PRMT9: variants seen among roughly 807,000 people sequenced by gnomAD.
PRMT9 encodes protein arginine methyltransferase 9, also known as protein arginine N-methyltransferase 9.
PRMT9 carries 59 observed loss-of-function variants against 83.2 expected under a neutral mutation model. The observed-to-expected ratio is 0.71, with a 90% confidence interval of 0.57 to 0.88. PRMT9 has a LOEUF of 0.88. PRMT9 is among the 40% of genes least tolerant of loss of function. The pLI, the probability that PRMT9 is intolerant of heterozygous loss-of-function variation, is 0.00. For synonymous variants in PRMT9, 333 were observed against 353.2 expected (o/e 0.94, Z 0.64); for missense variants, 947 against 1,021.9 (o/e 0.93, Z 1.00).
intron 9 of PRMT9, among the ~76,000 whole-genome samples, chr4:147,650,436 A>T (rs984811850): frequency 6.6e-6 from 1 of 152,226 alleles, no homozygotes. Context: ...TAGCATCTAA[A>T]AAATAAAATA....
chr4:147,683,754 C>G, intron 1 of PRMT9, 45 bp downstream of exon 1: 5 of 575,708 alleles, frequency 8.7e-6, no homozygotes, highest in East Asian at 4.5e-5. Flanking sequence ...TTTTTTTTTA[C>G]GAGGACGTTG....
chr4:147,674,327 T>C (rs1337394064), intron 2 of PRMT9, among the ~76,000 whole-genome samples: 2 of 152,190 alleles, frequency 1.3e-5, no homozygotes, highest in Admixed American at 6.5e-5. Flanking sequence ...CTTGTTATTA[T>C]AATTACGTAT....
chr4:147,668,683 T>A, intron 5 of PRMT9, 38 bp from the exon 6 acceptor site: 1 of 1,178,292 alleles, frequency 8.5e-7, no homozygotes, highest in Non-Finnish European at 1.3e-6. Flanking sequence ...TTATCACATG[T>A]ATGTAAAAAT....
chr4:147,672,375 C>T (rs1735795694), intron 4 of PRMT9, among the ~76,000 whole-genome samples: 1 of 152,224 alleles, frequency 6.6e-6, no homozygotes, highest in Admixed American at 6.5e-5. Flanking sequence ...AACTTTGTCT[C>T]TAAAATGACT....
intron 9 of PRMT9, among the ~76,000 whole-genome samples, chr4:147,648,852 T>C (rs928232261): frequency 4.6e-5 from 7 of 152,146 alleles, no homozygotes; most frequent in African/African-American, 1.7e-4. Context: ...GCCCCCTCCC[T>C]ACCCTTAGGT....
intron 8 of PRMT9, among the ~76,000 whole-genome samples, chr4:147,656,050 G>A (rs565380194): frequency 1.3e-3 from 193 of 152,056 alleles, no homozygotes; most frequent in Non-Finnish European, 2.3e-3. Context: ...GTATCATCCC[G>A]TTTTTATATA....
At chr4:147,678,547 T>C (rs1032202390) in intron 2 of PRMT9, among the ~76,000 whole-genome samples, 1 of 152,236 alleles carries the variant, frequency 6.6e-6, no homozygotes, top group Non-Finnish European at 1.5e-5. Context: ...AAACTGTCCC[T>C]TGGCTGGCAT....
intron 1 of PRMT9, 58 bp from the exon 2 acceptor site, chr4:147,680,529 T>C (rs1250495609): frequency 5.0e-5 from 63 of 1,268,034 alleles, no homozygotes; most frequent in Non-Finnish European, 6.9e-5. Flanking sequence ...TGAAAGAATA[T>C]ACATCATTAG....
chr4:147,640,144 C>A (rs1733301280), intron 10 of PRMT9, among the ~76,000 whole-genome samples: 1 of 140,698 alleles, frequency 7.1e-6, no homozygotes, highest in Non-Finnish European at 1.5e-5. Flanking sequence ...ACAATCACAG[C>A]TCACTGCAAC....
At chr4:147,648,601 A>G (rs2126582231) in intron 9 of PRMT9, among the ~76,000 whole-genome samples, 1 of 152,304 alleles carries the variant, frequency 6.6e-6, no homozygotes, top group Admixed American at 6.5e-5. Context: ...TGGAACTCGA[A>G]GAGGTGGTCT....
intron 7 of PRMT9, among the ~76,000 whole-genome samples, chr4:147,659,580 T>TTTC (rs1553993107): frequency 0.013 from 37 of 2,866 alleles, no homozygotes; most frequent in Non-Finnish European, 0.052. Flanking sequence ...CTTTCTTTTC[T>TTTC]TTTTTTTTTT....
intron 2 of PRMT9, among the ~76,000 whole-genome samples, chr4:147,674,576 T>C (rs1236522941): frequency 6.6e-6 from 1 of 152,206 alleles, no homozygotes; most frequent in Non-Finnish European, 1.5e-5. Context: ...CTCCCTTTTC[T>C]TCTTAATTTT....
chr4:147,649,432 GAA>G (rs1333062921), intron 9 of PRMT9, among the ~76,000 whole-genome samples: 1 of 152,016 alleles, frequency 6.6e-6, no homozygotes, highest in African/African-American at 2.4e-5. Context: ...AACAAAAAAC[GAA>G]AGAGCTTACC....
chr4:147,661,247 G>T, intron 6 of PRMT9: 29 of 363,600 alleles, frequency 8.0e-5, no homozygotes, highest in Admixed American at 1.0e-4. Flanking sequence ...ATAAAATTAA[G>T]AATGTCTGCT....
chr4:147,656,771 C>CAAA (rs1023416920), intron 8 of PRMT9, among the ~76,000 whole-genome samples: 890 of 47,808 alleles, frequency 0.019, 52 homozygotes, highest in Non-Finnish European at 0.025. Flanking sequence ...GACTCTGTCT[C>CAAA]AAAAAAAAAA....
Position 147,642,863 on chromosome 4 carries a change from A to T in PRMT9, c.2123T>A (p.Leu708His). The change falls in exon 10 of 12, where the codon CTC becomes CAC. Residue 708 changes from leucine to histidine, a missense_variant. Transcript: ENST00000322396. ...TCCTTGAACAGCATTCTCCTCTAGG[A>T]GTGTCTGTGATTCCACAAGCAACCC... is the stretch of plus-strand genomic sequence containing the variant. ...MFGLLVESQT[L>H]LEENAVQGTE... is the part of the protein sequence containing the mutation. 6.2e-7 allele frequency: 1 copy of T among 1,613,778 alleles called. No homozygotes were observed. The highest frequency in any genetic ancestry group is 1.7e-5 in the Admixed American group (1 of 60,024).
rs201893952 is a variant in PRMT9, at chr4:147,680,450, A to G, written c.211T>C (p.Phe71Leu). The change falls in exon 2 of 12, where the codon TTC becomes CTC. Residue 71 changes from phenylalanine to leucine, a missense_variant. By Grantham distance (22) the Phe-to-Leu change is conservative. Transcript: ENST00000322396. Reference sequence around the variant, plus strand: ...GCATCAAGCTCTTCAGCCCATCTGAAAAGTGTGTACTGAAAAGTTTCCTTT... The same window carrying G: ...GCATCAAGCTCTTCAGCCCATCTGAGAAGTGTGTACTGAAAAGTTTCCTTT... ...DVKETFQYTL[F>L]RWAEELDALS... is the part of the protein sequence containing the mutation. 7 of 1,614,062 alleles carry G rather than the reference A, an allele frequency of 4.3e-6. No individual in the cohort carries two copies. In the East Asian group the frequency reaches 1.3e-4, roughly 31 times the overall value.
intron 5 of PRMT9, 40 bp from the exon 6 acceptor site, chr4:147,668,685 T>A: frequency 9.0e-7 from 1 of 1,113,568 alleles, no homozygotes; most frequent in South Asian, 1.2e-5. Flanking sequence ...ATCACATGTA[T>A]GTAAAAATGT....
At chr4:147,680,277 T>G in intron 2 of PRMT9, 46 bp downstream of exon 2, 2 of 1,562,448 alleles carry the variant, frequency 1.3e-6, no homozygotes, top group East Asian at 2.2e-5. Flanking sequence ...CTATCCAGAC[T>G]AATACAGAAT....
Sources: allele counts gnomAD v4.1 joint callset (sites outside exome capture counted in the v4.1 genomes callset), GRCh38; gene constraint gnomAD v4.1.1; transcripts MANE v1.5; gene names NCBI Gene and HGNC (gene_info 2026-07-23, HGNC 2026-07-21).